Variants in NRSN1 observed in about 807,000 individuals in gnomAD.
The protein encoded by NRSN1 is neurensin 1.
Under a neutral mutation model 17.3 loss-of-function variants are expected in NRSN1, and 14 were observed. The ratio of observed to expected loss-of-function variants is 0.81; its 90% CI spans 0.54 to 1.27. NRSN1 has a LOEUF of 1.27. Among genes scored for constraint, NRSN1 ranks in the 50% most tolerant of loss-of-function variants. NRSN1 has a pLI of 0.00. For synonymous variants in NRSN1, 79 were observed against 94.2 expected (o/e 0.84, Z 0.93); for missense variants, 209 against 235.9 (o/e 0.89, Z 0.75).
intron 2 of NRSN1, among the ~76,000 whole-genome samples, chr6:24,130,872 T>C (rs1760017962): frequency 6.6e-6 from 1 of 152,186 alleles, no homozygotes. Context: ...CTGGAAGGAA[T>C]TAGAGATTAA....
Position 24,142,212 on chromosome 6 carries a change from T to TTTTTTTTTTTTTTTC in NRSN1, c.190-3334_190-3333insTTTTTTTTTTTTCTT, listed in dbSNP as rs1484150562. On this transcript the variant is annotated intron_variant, in intron 3 of 3. Coordinates refer to ENST00000378491, the MANE Select transcript of NRSN1 (RefSeq NM_080723.5). ...ACAGCTTTTTTTTTTTTTTTTTTTTTTTCAGAAGACATCCTATTGACTCTT... is the reference window on the plus strand; with the variant it reads ...ACAGCTTTTTTTTTTTTTTTTTTTTTTTTTTTTTTTTTTTCTTCAGAAGACATCCTATTGACTCTT... 1.8e-3 allele frequency among the ~76,000 whole-genome samples: 241 copies of TTTTTTTTTTTTTTTC among 134,592 alleles called. 11 individuals are homozygous for TTTTTTTTTTTTTTTC. Among genetic ancestry groups the TTTTTTTTTTTTTTTC allele is most frequent in the Middle Eastern group, 4.3e-3 (1 of 230 alleles). 88.3% of individuals were successfully genotyped at this position (134,592 alleles called of 152,430 possible). A position where few individuals can be genotyped will look rare whatever the true frequency, so the allele number is the denominator to read the frequency against.
intron 2 of NRSN1, among the ~76,000 whole-genome samples, chr6:24,132,013 T>C (rs894246551): frequency 6.6e-6 from 1 of 152,202 alleles, no homozygotes; most frequent in Non-Finnish European, 1.5e-5. Flanking sequence ...GGGTGATTTC[T>C]TTAGATGGTA....
chr6:24,142,191 C>CTTCTTTTTTT (rs1760219100), intron 3 of NRSN1, among the ~76,000 whole-genome samples: 1 of 44,446 alleles, frequency 2.2e-5, no homozygotes, highest in African/African-American at 7.5e-5. Context: ...TACAGAACAG[C>CTTCTTTTTTT]TTTTTTTTTT....
intron 2 of NRSN1, among the ~76,000 whole-genome samples, chr6:24,130,007 G>A (rs1311587979): frequency 6.6e-6 from 1 of 152,132 alleles, no homozygotes; most frequent in Non-Finnish European, 1.5e-5. Context: ...ACTAAAGAGT[G>A]TGTTTACTCT....
chr6:24,127,970 C>T (rs1759973305), intron 1 of NRSN1, among the ~76,000 whole-genome samples, 158 bp from the exon 2 acceptor site: 1 of 152,098 alleles, frequency 6.6e-6, no homozygotes, highest in Non-Finnish European at 1.5e-5. Flanking sequence ...ACAGTTTAGA[C>T]TTTTGTTTTT....
In NRSN1 at chr6:24,128,168, A is replaced by C. The variant is rs575047025; in HGVS notation, c.-42A>C. The C allele has an allele frequency of 6.6e-6, 1 of 152,330 alleles. No individual in the cohort carries two copies. Among genetic ancestry groups the C allele is most frequent in the Admixed American group, 6.5e-5 (1 of 15,310 alleles). The allele number at this position is 152,330 out of a possible 1,614,324, so 9.4% of individuals were successfully genotyped here. ...CATTAAAAGGAAAGATCAAGGAGTAAACCAGAAGAAGAAGAAAAAGAGGAC... is the reference window on the plus strand; with the variant it reads ...CATTAAAAGGAAAGATCAAGGAGTACACCAGAAGAAGAAGAAAAAGAGGAC... On this transcript the variant is annotated 5_prime_UTR_variant, in exon 2 of 4. Transcript: ENST00000378491.
chr6:24,134,314 T>A lies in NRSN1; in HGVS notation c.-9-5T>A. 1 of 1,612,280 alleles carries A rather than the reference T, an allele frequency of 6.2e-7. No homozygotes were observed. Among genetic ancestry groups the A allele is most frequent in the Non-Finnish European group, 8.5e-7 (1 of 1,179,030 alleles). Reference sequence around the variant, plus strand: ...CATTAATCCATGTGGATGTTGTCATTCCAGCTGGGAAGGATGAGTTCTTGC... The same window carrying A: ...CATTAATCCATGTGGATGTTGTCATACCAGCTGGGAAGGATGAGTTCTTGC... On this transcript the variant is annotated splice_polypyrimidine_tract_variant and splice_region_variant and intron_variant, in intron 2 of 3. Transcript: ENST00000378491.
At position 24,134,387 on chromosome 6, in the gene NRSN1, T is replaced by C. The variant is rs767011563; in HGVS notation, c.60T>C (p.Gly20=). The C allele has an allele frequency of 1.2e-5, 19 of 1,613,992 alleles. No individual in the cohort carries two copies. Among genetic ancestry groups the C allele is most frequent in the Non-Finnish European group, 1.4e-5 (17 of 1,180,020 alleles). Residue 20 remains glycine (G), a synonymous_variant, in exon 3 of 4, where the codon GGT becomes GGC. Transcript: ENST00000378491. ...SRQAQAAAEG[G]YQRYGVRSYL... Reference sequence around the variant, plus strand: ...AGGCACAGGCTGCAGCTGAGGGTGGTTACCAGCGCTATGGAGTCCGGTCCT... The same window carrying C: ...AGGCACAGGCTGCAGCTGAGGGTGGCTACCAGCGCTATGGAGTCCGGTCCT...
At chr6:24,129,729 C>T (rs1325798164) in intron 2 of NRSN1, 1 of 152,112 alleles carries the variant, frequency 6.6e-6, no homozygotes, top group African/African-American at 2.4e-5. Flanking sequence ...ACTGAATATT[C>T]ATTTAATGTA....
intron 3 of NRSN1, chr6:24,141,229 G>C (rs773505898): frequency 3.2e-6 from 4 of 1,268,464 alleles, no homozygotes; most frequent in Non-Finnish European, 3.0e-6. Context: ...TCCTCTTTCT[G>C]TTAGACCTGG....
intron 2 of NRSN1, chr6:24,129,212 TA>T (rs1759993428): frequency 6.6e-6 from 1 of 152,248 alleles, no homozygotes; most frequent in Admixed American, 6.5e-5. Flanking sequence ...TTGTTATGTT[TA>T]TTGCTTCATG....
At chr6:24,132,754 G>C (rs960670974) in intron 2 of NRSN1, among the ~76,000 whole-genome samples, 1 of 152,048 alleles carries the variant, frequency 6.6e-6, no homozygotes, top group East Asian at 1.9e-4. Flanking sequence ...GTATACATGT[G>C]CCATGGTGAT....
At position 24,145,835 on chromosome 6, in the gene NRSN1, A is replaced by G; in HGVS notation, c.477A>G (p.Ala159=). The G allele has an allele frequency of 2.5e-6, 4 of 1,614,252 alleles. No individual in the cohort carries two copies. Among genetic ancestry groups the G allele is most frequent in the South Asian group, 1.1e-5 (1 of 91,090 alleles). ...AGCAGAAGTTTAAAGAACGAATCGC[A>G]GACATCAAAGCCCACACCCAGCCGG... is the stretch of plus-strand genomic sequence containing the variant. ...FLQQKFKERI[A]DIKAHTQPVT... The change falls in exon 4 of 4, where the codon GCA becomes GCG. Residue 159 remains alanine, a synonymous_variant. Transcript: ENST00000378491. This position sits in a 1 kb window ranked among gnomAD's most constrained non-coding sequence, Gnocchi z 4.4.
At chr6:24,141,025 T>C in intron 3 of NRSN1, 1 of 1,474,988 alleles carries the variant, frequency 6.8e-7, no homozygotes, top group Non-Finnish European at 9.0e-7. Context: ...TGTCACCACC[T>C]GGAGAGGCCC....
chr6:24,127,061 G>A (rs757129966), intron 1 of NRSN1, among the ~76,000 whole-genome samples: 17 of 152,094 alleles, frequency 1.1e-4, no homozygotes, highest in Non-Finnish European at 1.9e-4. Flanking sequence ...GAAAAAAGAA[G>A]AGAAATGTAA....
chr6:24,145,473 C>A lies in NRSN1; in HGVS notation c.190-75C>A. 9.2e-7 allele frequency: 1 copy of A among 1,081,090 alleles called. No individual in the cohort carries two copies. The highest frequency in any genetic ancestry group is 1.3e-6 in the Non-Finnish European group (1 of 778,412). The allele number at this position is 1,081,090 out of a possible 1,614,324, so 67.0% of individuals were successfully genotyped here. A position where few individuals can be genotyped will look rare whatever the true frequency, so the allele number is the denominator to read the frequency against. On this transcript the variant is annotated intron_variant, in intron 3 of 3. Coordinates refer to ENST00000378491, the MANE Select transcript of NRSN1 (RefSeq NM_080723.5). The surrounding 1 kb of genome is among the most constrained non-coding windows in gnomAD (Gnocchi z 4.4). ...TTTCTCTCAAGAAACAAGACAAGTGCTGCCCTTGAGGGCTCAGGGGCGAGC... is the reference window on the plus strand; with the variant it reads ...TTTCTCTCAAGAAACAAGACAAGTGATGCCCTTGAGGGCTCAGGGGCGAGC...
rs772717690 is a variant in NRSN1, at chr6:24,134,531, T to C, written c.189+15T>C. On this transcript the variant is annotated intron_variant, in intron 3 of 3. Coordinates refer to ENST00000378491, the MANE Select transcript of NRSN1 (RefSeq NM_080723.5). The stretch of plus-strand genomic sequence containing the variant: ...TATTCTGGAAGGTAAGGAAGGAGCA[T>C]GTGTTTAACTTAGGGAATGGAAAAA... 5 of 1,609,654 alleles carry C rather than the reference T, an allele frequency of 3.1e-6. No homozygotes were observed. The highest frequency in any genetic ancestry group is 3.4e-6 in the Non-Finnish European group (4 of 1,176,854).
Position 24,134,382 on chromosome 6 carries a change from G to T in NRSN1, c.55G>T (p.Gly19Cys), listed in dbSNP as rs369686663. Reference protein sequence around the residue: ...GSRQAQAAAEGGYQRYGVRSY... With the variant: ...GSRQAQAAAECGYQRYGVRSY... ...CAGGCAGGCACAGGCTGCAGCTGAG[G>T]GTGGTTACCAGCGCTATGGAGTCCG... Residue 19 changes from glycine to cysteine, a missense_variant, in exon 3 of 4, where the codon GGT becomes TGT. By Grantham distance (159) the Gly-to-Cys change is radical (BLOSUM62 -3). Transcript: ENST00000378491. 1 of 1,614,012 alleles carries T rather than the reference G, an allele frequency of 6.2e-7. No homozygotes were observed. Among genetic ancestry groups the T allele is most frequent in the Non-Finnish European group, 8.5e-7 (1 of 1,180,038 alleles).
chr6:24,129,854 C>T (rs1370602588), intron 2 of NRSN1, among the ~76,000 whole-genome samples: 2 of 152,230 alleles, frequency 1.3e-5, no homozygotes, highest in African/African-American at 4.8e-5. Context: ...ATAAAAACAA[C>T]TCTCTCTTCA....
Sources: allele counts gnomAD v4.1 joint callset (sites outside exome capture counted in the v4.1 genomes callset), GRCh38; gene constraint gnomAD v4.1.1; non-coding constraint Gnocchi (gnomAD v3.1); transcripts MANE v1.5; gene names NCBI Gene and HGNC (gene_info 2026-07-23, HGNC 2026-07-21).